The following SNX13 variants were observed in gnomAD, a reference collection of about 807,000 sequenced individuals.
SNX13 encodes sorting nexin-13.
Under a neutral mutation model 133.6 loss-of-function variants are expected in SNX13, and 45 were observed. The ratio of observed to expected loss-of-function variants is 0.34; its 90% CI spans 0.27 to 0.43. The LOEUF is 0.43. SNX13 is among the 20% of genes least tolerant of loss of function. SNX13 has a pLI of 1.00. For missense variants in SNX13, 1,032 were observed against 1,145.1 expected, an observed-to-expected ratio of 0.90 and a Z score of 1.43; for synonymous variants, 414 against 373.9, an observed-to-expected ratio of 1.11 and a Z score of -1.24.
intron 16 of SNX13, among the ~76,000 whole-genome samples, chr7:17,829,518 A>AT (rs1282200444): frequency 6.6e-6 from 1 of 151,390 alleles, no homozygotes; most frequent in Non-Finnish European, 1.5e-5. Context: ...ACAAAAAAAA[A>AT]TTTTTTGTTT....
At chr7:17,935,758 A>G (rs940041347) in intron 1 of SNX13, among the ~76,000 whole-genome samples, 1 of 152,194 alleles carries the variant, frequency 6.6e-6, no homozygotes, top group African/African-American at 2.4e-5. Flanking sequence ...CTCCCGTTAT[A>G]AAATCCCTTT....
At chr7:17,929,548 T>C (rs1801157725) in intron 1 of SNX13, among the ~76,000 whole-genome samples, 1 of 152,114 alleles carries the variant, frequency 6.6e-6, no homozygotes, top group Non-Finnish European at 1.5e-5. Context: ...TTTTTAACAC[T>C]CCTCACCTTT....
At position 17,940,429 on chromosome 7, in the gene SNX13, C is replaced by T. The variant is rs947753285; in HGVS notation, c.-134G>A. ...AGTCTTCTCCCGGGCGGCGGTTTTA[C>T]TCGGCTTCGCTGGCCTCCCCTCGGC... On this transcript the variant is annotated 5_prime_UTR_variant, in exon 1 of 26. Coordinates refer to ENST00000428135, the MANE Select transcript of SNX13 (RefSeq NM_015132.5). 2.6e-5 allele frequency: 26 copies of T among 1,014,246 alleles called. No individual in the cohort carries two copies. Among genetic ancestry groups the T allele is most frequent in the Middle Eastern group, 2.1e-4 (1 of 4,826 alleles). 62.8% of individuals were successfully genotyped at this position (1,014,246 alleles called of 1,614,324 possible).
intron 1 of SNX13, among the ~76,000 whole-genome samples, chr7:17,927,075 T>C (rs1458122701): frequency 6.6e-6 from 1 of 152,080 alleles, no homozygotes; most frequent in Non-Finnish European, 1.5e-5. Flanking sequence ...TAAAAACTTA[T>C]GTCAAATTTT....
In SNX13 at chr7:17,890,471, G is replaced by C. The variant is rs1342638491; in HGVS notation, c.332C>G (p.Ser111Cys). The change falls in exon 5 of 26, where the codon TCC becomes TGC. Residue 111 changes from serine (S) to cysteine (C), a missense_variant. Transcript: ENST00000428135. Reference sequence around the variant, plus strand: ...CCAATACTGGACATAATCCCTCAAGGAAAACTGGATAACCTATAACAAAAA... The same window carrying C: ...CCAATACTGGACATAATCCCTCAAGCAAAACTGGATAACCTATAACAAAAA... ...DEPLQQVIQF[S>C]LRDYVQYWYY... The C allele has an allele frequency of 1.9e-6, 3 of 1,571,738 alleles. No individual in the cohort carries two copies. The highest frequency in any genetic ancestry group is 2.7e-5 in the African/African-American group (2 of 73,016).
chr7:17,801,739 G>T, intron 21 of SNX13, 80 bp from the exon 22 acceptor site: 1 of 1,030,778 alleles, frequency 9.7e-7, no homozygotes, highest in Non-Finnish European at 1.4e-6. Flanking sequence ...AAACCTAAAT[G>T]AGTATCAGCA....
intron 2 of SNX13, among the ~76,000 whole-genome samples, chr7:17,893,729 C>CT (rs1796891734): frequency 6.6e-6 from 1 of 152,124 alleles, no homozygotes; most frequent in Non-Finnish European, 1.5e-5. Context: ...AATCCCAGCA[C>CT]TTTGGGAGGC....
At chr7:17,906,368 G>A (rs1583714709) in intron 1 of SNX13, among the ~76,000 whole-genome samples, 1 of 151,856 alleles carries the variant, frequency 6.6e-6, no homozygotes, top group Admixed American at 6.6e-5. Flanking sequence ...ATTAGTATAA[G>A]GAAATAATAG....
At chr7:17,931,353 TC>T (rs55675373) in intron 1 of SNX13, among the ~76,000 whole-genome samples, 75,634 of 151,500 alleles carry the variant, frequency 0.5, 20,026 homozygotes, top group Non-Finnish European at 0.6. Context: ...GAACATTATT[TC>T]CTAATATTTA....
chr7:17,939,596 C>T lies in SNX13; in HGVS notation c.12+688G>A, dbSNP rs1265055003. 4.6e-5 allele frequency among the ~76,000 whole-genome samples: 7 copies of T among 152,344 alleles called. No homozygotes were observed. The South Asian group carries it at 6.2e-4, about 14-fold the overall frequency. On this transcript the variant is annotated intron_variant, in intron 1 of 25. Coordinates refer to ENST00000428135, the MANE Select transcript of SNX13 (RefSeq NM_015132.5). Reference sequence around the variant, plus strand: ...TGATTGGTTCGTCATAGTTGCCCTACTTCCATTTCAGGTCCAAAGAAAAAA... The same window carrying T: ...TGATTGGTTCGTCATAGTTGCCCTATTTCCATTTCAGGTCCAAAGAAAAAA...
rs185836470 is a variant in SNX13, at chr7:17,925,189, G to A, written c.12+15095C>T. 1.6e-3 allele frequency among the ~76,000 whole-genome samples: 246 copies of A among 152,230 alleles called. 3 individuals carry two copies. Among genetic ancestry groups the A allele is most frequent in the African/African-American group, 5.5e-3 (230 of 41,534 alleles). On this transcript the variant is annotated intron_variant, in intron 1 of 25. Transcript: ENST00000428135. ...ATATCATGCCACTGCACTACAGCCT[G>A]AGTGAAAAAGTGAGACTCCGTCTCA...
intron 9 of SNX13, 49 bp downstream of exon 9, chr7:17,868,358 T>C (rs1470990465): frequency 4.4e-6 from 6 of 1,377,694 alleles, no homozygotes; most frequent in South Asian, 2.6e-5. Flanking sequence ...TATTTTTACA[T>C]TTCAAAAATT....
chr7:17,880,805 T>C (rs1471588497), intron 5 of SNX13: 6 of 152,070 alleles, frequency 3.9e-5, no homozygotes, highest in Non-Finnish European at 8.8e-5. Flanking sequence ...AGACTATAGA[T>C]TAAGGAATAT....
intron 1 of SNX13, among the ~76,000 whole-genome samples, chr7:17,938,152 T>TA (rs1802325561): frequency 2.0e-5 from 3 of 152,326 alleles, no homozygotes; most frequent in Non-Finnish European, 1.5e-5. Context: ...AAGCCTTGTT[T>TA]AAAAAATGAA....
intron 20 of SNX13, among the ~76,000 whole-genome samples, chr7:17,809,805 G>T (rs1312365966): frequency 6.6e-6 from 1 of 152,132 alleles, no homozygotes; most frequent in African/African-American, 2.4e-5. Context: ...TAGAACTCAG[G>T]ATTAAGAAAC....
intron 1 of SNX13, among the ~76,000 whole-genome samples, chr7:17,907,547 T>C (rs1383985748): frequency 1.3e-5 from 2 of 152,174 alleles, no homozygotes; most frequent in Admixed American, 1.3e-4. Context: ...AACAGAAATA[T>C]CTGGAATCAG....
chr7:17,935,893 G>C (rs1181925121), intron 1 of SNX13, among the ~76,000 whole-genome samples: 2 of 152,174 alleles, frequency 1.3e-5, no homozygotes, highest in African/African-American at 4.8e-5. Context: ...TGTGCCCCAA[G>C]AGTATTTCTA....
intron 1 of SNX13, among the ~76,000 whole-genome samples, chr7:17,918,163 C>A (rs575516913): frequency 3.3e-5 from 5 of 152,200 alleles, no homozygotes; most frequent in African/African-American, 1.2e-4. Flanking sequence ...GAATTAAAGA[C>A]CTAAAACTGT....
At chr7:17,939,432 A>G (rs1420525964) in intron 1 of SNX13, among the ~76,000 whole-genome samples, 2 of 152,230 alleles carry the variant, frequency 1.3e-5, no homozygotes, top group Non-Finnish European at 2.9e-5. Context: ...ACTACAACAC[A>G]TAACTGGGCT....
Sources: gnomAD v4.1 joint callset for allele counts (sites outside exome capture counted in the v4.1 genomes callset) on GRCh38, gnomAD v4.1.1 for gene constraint, MANE v1.5 for transcripts, NCBI Gene and HGNC (gene_info 2026-07-23, HGNC 2026-07-21) for gene names.